SYNPR: variants seen among roughly 807,000 people sequenced by gnomAD.
The protein encoded by SYNPR is synaptoporin.
Under a neutral mutation model 32.9 loss-of-function variants are expected in SYNPR, and 23 were observed. That is an observed-to-expected ratio of 0.70 (90% CI 0.50 to 0.99). The LOEUF (loss-of-function observed/expected upper bound fraction) is 0.99, where lower values mean the gene tolerates loss of function less well. Ranked by LOEUF, SYNPR falls within the 50% of genes least tolerant of loss-of-function variation. SYNPR has a pLI of 0.00. For missense variants in SYNPR, 318 were observed against 349.3 expected (o/e 0.91, Z 0.71); for synonymous variants, 146 against 135.9 (o/e 1.07, Z -0.52).
chr3:63,208,088 G>A, the SYNPR span, among the ~76,000 whole-genome samples: 2 of 151,562 alleles, frequency 1.3e-5, no homozygotes, highest in African/African-American at 4.9e-5. Flanking sequence ...ATAACTTCCA[G>A]AATATACTTC....
chr3:63,201,839 A>G, the SYNPR span, among the ~76,000 whole-genome samples: 1 of 152,152 alleles, frequency 6.6e-6, no homozygotes, highest in African/African-American at 2.4e-5. Flanking sequence ...GATAACCAGA[A>G]CATAAAACTT....
intron 3 of SYNPR, among the ~76,000 whole-genome samples, chr3:63,548,908 C>T (rs1702456717): frequency 6.6e-6 from 1 of 152,174 alleles, no homozygotes; most frequent in South Asian, 2.1e-4. Flanking sequence ...TTTCCTTCCA[C>T]ACCGGGTAAA....
rs80283980 is a variant in SYNPR, at chr3:63,465,009, C to T, written c.85-15823C>T. On this transcript the variant is annotated intron_variant, in intron 2 of 5. Coordinates refer to ENST00000478300, the MANE Select transcript of SYNPR (RefSeq NM_001130003.2). ...ATTAGTGTGTTCCATGTGAACTCCA[C>T]TTATCACTGGTACTCAGAAACTAAA... Among the ~76,000 whole-genome samples the T allele has an allele frequency of 8.4e-3, 1,276 of 152,246 alleles. 57 individuals carry two copies. The East Asian group carries it at 0.13, about 16-fold the overall frequency.
intron 3 of SYNPR, among the ~76,000 whole-genome samples, chr3:63,493,370 C>A (rs1007745209): frequency 6.6e-6 from 1 of 152,110 alleles, no homozygotes; most frequent in Non-Finnish European, 1.5e-5. Context: ...GAAGTGACAA[C>A]TGGAAAACCA....
intron 3 of SYNPR, among the ~76,000 whole-genome samples, chr3:63,494,096 A>G (rs534728933): frequency 2.0e-5 from 3 of 151,920 alleles, no homozygotes; most frequent in Non-Finnish European, 4.4e-5. Context: ...TACTTAACAC[A>G]ATAAAAAATT....
chr3:63,330,407 T>A (rs1344189920), intron 2 of SYNPR: 3 of 151,986 alleles, frequency 2.0e-5, no homozygotes. Flanking sequence ...CTGGATCAAG[T>A]ATTTTAAATG....
chr3:63,271,383 G>A (rs1362017748), intron 3 of SYNPR, among the ~76,000 whole-genome samples: 1 of 152,088 alleles, frequency 6.6e-6, no homozygotes, highest in Non-Finnish European at 1.5e-5. Flanking sequence ...AAAGGTTTAG[G>A]TTAGGAAGGA....
chr3:63,418,526 T>C (rs1481595655), intron 2 of SYNPR, among the ~76,000 whole-genome samples: 2 of 152,194 alleles, frequency 1.3e-5, no homozygotes, highest in African/African-American at 4.8e-5. Flanking sequence ...TTATTCTGTT[T>C]TCACACTGCT....
chr3:63,548,727 T>C (rs1221853636), intron 3 of SYNPR, among the ~76,000 whole-genome samples: 6 of 152,138 alleles, frequency 3.9e-5, no homozygotes, highest in Non-Finnish European at 8.8e-5. Context: ...ATTTGCCAAT[T>C]GCCCTCTGAT....
At chr3:63,328,451 G>T (rs2087189834) in intron 2 of SYNPR, among the ~76,000 whole-genome samples, 1 of 152,310 alleles carries the variant, frequency 6.6e-6, no homozygotes, top group East Asian at 1.9e-4. Flanking sequence ...TGATCTAGGA[G>T]TTTAATCACT....
intron 3 of SYNPR, among the ~76,000 whole-genome samples, chr3:63,548,881 TAG>T (rs1459856129): frequency 3.9e-5 from 6 of 152,302 alleles, no homozygotes; most frequent in Admixed American, 1.3e-4. Flanking sequence ...AATGTATTGG[TAG>T]GAGCTTTAGT....
intron 2 of SYNPR, among the ~76,000 whole-genome samples, chr3:63,314,813 G>C (rs1265569040): frequency 1.3e-5 from 2 of 152,032 alleles, no homozygotes; most frequent in African/African-American, 4.8e-5. Context: ...CCAATGTGTA[G>C]AAGGGTTTTT....
intron 2 of SYNPR, among the ~76,000 whole-genome samples, chr3:63,320,883 G>A (rs1385879266): frequency 6.6e-6 from 1 of 152,058 alleles, no homozygotes; most frequent in Non-Finnish European, 1.5e-5. Flanking sequence ...CAGTTTTTCA[G>A]AAACACTGCC....
rs183562982 is a variant in SYNPR, at chr3:63,247,761, C to T, written n.67-4738C>T. Among the ~76,000 whole-genome samples the T allele has an allele frequency of 1.8e-4, 27 of 152,198 alleles. No homozygotes were observed. In the East Asian group the frequency reaches 2.9e-3, roughly 16 times the overall value. On this transcript the variant is annotated intron_variant and non_coding_transcript_variant, in intron 1 of 4. Coordinates refer to the SYNPR transcript ENST00000478456. ...CCTCTTAAGGGAAAGGCATTTTACC[C>T]GCTCTCTCAGCGAGTCAGCCTAAAT...
At chr3:63,593,590 A>C (rs1454478157) in intron 4 of SYNPR, among the ~76,000 whole-genome samples, 2 of 152,194 alleles carry the variant, frequency 1.3e-5, no homozygotes, top group African/African-American at 2.4e-5. Flanking sequence ...TTCTGGGAAC[A>C]GTCTAGAAAA....
At chr3:63,349,268 A>G (rs1398077928) in intron 2 of SYNPR, among the ~76,000 whole-genome samples, 1 of 151,952 alleles carries the variant, frequency 6.6e-6, no homozygotes, top group Non-Finnish European at 1.5e-5. Context: ...ACGCCCGGCT[A>G]ATTTTTGTAT....
intron 3 of SYNPR, among the ~76,000 whole-genome samples, chr3:63,515,670 G>A (rs534191809): frequency 7.9e-5 from 12 of 152,116 alleles, no homozygotes; most frequent in Middle Eastern, 3.4e-3. Context: ...AAATGATCTG[G>A]ATCTTTTTTA....
At chr3:63,393,814 C>T (rs149207097) in intron 2 of SYNPR, among the ~76,000 whole-genome samples, 6 of 152,034 alleles carry the variant, frequency 3.9e-5, no homozygotes, top group Admixed American at 1.3e-4. Context: ...GCTTGTTTCT[C>T]GATATTGTTA....
chr3:63,554,042 T>G (rs1319675006), intron 3 of SYNPR, among the ~76,000 whole-genome samples: 1 of 152,180 alleles, frequency 6.6e-6, no homozygotes, highest in Non-Finnish European at 1.5e-5. Flanking sequence ...TTTTGAGAAG[T>G]GTCTACATCT....
Sources: gnomAD v4.1 joint callset for allele counts (sites outside exome capture counted in the v4.1 genomes callset) on GRCh38, gnomAD v4.1.1 for gene constraint, MANE v1.5 for transcripts, NCBI Gene and HGNC (gene_info 2026-07-23, HGNC 2026-07-21) for gene names.